Variants in ADAMTS14 observed in about 807,000 individuals in gnomAD.
The protein encoded by ADAMTS14 is A disintegrin and metalloproteinase with thrombospondin motifs 14.
In ADAMTS14, 100 loss-of-function variants were observed where a neutral mutation model predicts 128.6. That is an observed-to-expected ratio of 0.78 (90% confidence interval 0.66 to 0.92). ADAMTS14 has a LOEUF of 0.92. ADAMTS14 is among the 40% of genes least tolerant of loss of function. The pLI is 0.00. For missense variants in ADAMTS14, 1,562 were observed against 1,658.6 expected, an observed-to-expected ratio of 0.94 and a Z score of 1.01; for synonymous variants, 665 against 653.8, an observed-to-expected ratio of 1.02 and a Z score of -0.26.
At position 70,711,277 on chromosome 10, in the gene ADAMTS14, G is replaced by A. The variant is rs116674273; in HGVS notation, c.870+2499G>A. On this transcript the variant is annotated intron_variant, in intron 4 of 21. Coordinates refer to ENST00000373207, the MANE Select transcript of ADAMTS14 (RefSeq NM_080722.4). ...ACGCTGACTCCTATCCCCATCCATG[G>A]CTGGAGACAAAAGGAGTTTCCCCTC... is the stretch of plus-strand genomic sequence containing the variant. Among the ~76,000 whole-genome samples, 1,516 of 152,318 alleles carry A rather than the reference G, an allele frequency of 1.0e-2. 23 individuals are homozygous for A. Among genetic ancestry groups the A allele is most frequent in the African/African-American group, 0.035 (1,435 of 41,558 alleles).
Position 70,752,157 on chromosome 10 carries a change from C to G in ADAMTS14, c.2659C>G (p.Leu887Val). The change falls in exon 18 of 22, where the codon CTG becomes GTG. Residue 887 changes from leucine to valine, a missense_variant. Coordinates refer to ENST00000373207, the MANE Select transcript of ADAMTS14 (RefSeq NM_080722.4). ...RRDHHMVQRH[L>V]CDHKKRPKPI... ...AGACCACCACATGGTGCAGCGACAC[C>G]TGTGTGACCACAAGAAGAGGCCCAA... The G allele has an allele frequency of 3.1e-6, 5 of 1,613,578 alleles. No individual in the cohort carries two copies. Among genetic ancestry groups the G allele is most frequent in the Non-Finnish European group, 4.2e-6 (5 of 1,179,974 alleles).
chr10:70,733,117 G>A (rs2132679758), intron 7 of ADAMTS14, among the ~76,000 whole-genome samples: 1 of 152,266 alleles, frequency 6.6e-6, no homozygotes, highest in South Asian at 2.1e-4. Context: ...CCAGGCAGGT[G>A]GGACCTCCTC....
chr10:70,737,044 C>T (rs1396895026), intron 10 of ADAMTS14, among the ~76,000 whole-genome samples: 1 of 152,176 alleles, frequency 6.6e-6, no homozygotes, highest in African/African-American at 2.4e-5. Flanking sequence ...GTAGCATGAT[C>T]TCCTAGCCCA....
chr10:70,751,772 G>A (rs12784847), intron 17 of ADAMTS14, 126 bp downstream of exon 17: 338,326 of 1,304,004 alleles, frequency 0.26, 45,098 homozygotes, highest in Non-Finnish European at 0.27. Flanking sequence ...TCTCCTTGAA[G>A]ATCTCCAGTG....
intron 2 of ADAMTS14, among the ~76,000 whole-genome samples, chr10:70,683,382 T>A (rs558280769): frequency 1.5e-4 from 23 of 151,816 alleles, no homozygotes; most frequent in Admixed American, 1.5e-3. Flanking sequence ...AGAAAGGGAG[T>A]CTTTGGAAAG....
At chr10:70,759,666 T>G (rs2132763835) in intron 21 of ADAMTS14, among the ~76,000 whole-genome samples, 1 of 152,314 alleles carries the variant, frequency 6.6e-6, no homozygotes, top group South Asian at 2.1e-4. Context: ...ATCTGCTTGA[T>G]TCCAAATTAA....
chr10:70,738,105 C>T (rs1252208896), intron 10 of ADAMTS14, among the ~76,000 whole-genome samples: 1 of 151,872 alleles, frequency 6.6e-6, no homozygotes, highest in African/African-American at 2.4e-5. Context: ...CCAGGTGATT[C>T]CAAGGTTGAG....
chr10:70,704,503 G>A (rs946808848), intron 3 of ADAMTS14, among the ~76,000 whole-genome samples: 10 of 148,998 alleles, frequency 6.7e-5, no homozygotes, highest in Middle Eastern at 3.5e-3. Flanking sequence ...ACAAACACAC[G>A]CTCACAAACA....
chr10:70,745,432 A>G, intron 15 of ADAMTS14, 126 bp downstream of exon 15: 1 of 956,348 alleles, frequency 1.0e-6, no homozygotes, highest in Non-Finnish European at 1.6e-6. Context: ...AGTAATGGGC[A>G]GAGACCCCCT....
intron 4 of ADAMTS14, 89 bp downstream of exon 4, chr10:70,708,867 G>A: frequency 1.9e-6 from 2 of 1,042,814 alleles, no homozygotes; most frequent in Non-Finnish European, 1.3e-6. Flanking sequence ...GATCCAAGTG[G>A]AAGTTTCTGG....
At position 70,760,768 on chromosome 10, in the gene ADAMTS14, C is replaced by T. The variant is rs369235646; in HGVS notation, c.3587C>T (p.Thr1196Met). ...GLPWGWTQTPTPVPEDKGQPG... is the reference protein window; with the variant it reads ...GLPWGWTQTPMPVPEDKGQPG... ...CCTTGGGGCTGGACTCAGACACCTA[C>T]GCCAGTCCCTGAGGACAAAGGGCAA... The change falls in exon 22 of 22, where the codon ACG becomes ATG. Residue 1196 changes from threonine (T) to methionine (M), a missense_variant. Thr to Met is a moderately conservative substitution (Grantham distance 81, BLOSUM62 -1). Coordinates refer to ENST00000373207, the MANE Select transcript of ADAMTS14 (RefSeq NM_080722.4). 24 of 1,613,022 alleles carry T rather than the reference C, an allele frequency of 1.5e-5. No homozygotes were observed. The South Asian group carries it at 1.6e-4, about 11-fold the overall frequency.
intron 4 of ADAMTS14, among the ~76,000 whole-genome samples, chr10:70,713,270 C>T (rs1305901914): frequency 7.1e-6 from 1 of 139,992 alleles, no homozygotes; most frequent in Non-Finnish European, 1.5e-5. Flanking sequence ...GGCTAACATC[C>T]ATTCATTTGT....
intron 4 of ADAMTS14, among the ~76,000 whole-genome samples, chr10:70,714,173 A>G (rs568184376): frequency 1.3e-5 from 2 of 152,320 alleles, no homozygotes; most frequent in East Asian, 3.9e-4. Context: ...ACCCTGGCCA[A>G]CAGAATAAGA....
intron 20 of ADAMTS14, 36 bp from the exon 21 acceptor site, chr10:70,758,139 G>A: frequency 1.2e-6 from 2 of 1,613,104 alleles, no homozygotes; most frequent in Non-Finnish European, 1.7e-6. Context: ...TTGGGCCAAA[G>A]TCCCAAATAC....
intron 2 of ADAMTS14, among the ~76,000 whole-genome samples, chr10:70,697,792 G>C (rs1840376634): frequency 1.3e-5 from 2 of 152,022 alleles, no homozygotes; most frequent in South Asian, 2.1e-4. Flanking sequence ...CTTTCCCTGA[G>C]GGGAACCCAT....
At chr10:70,759,541 G>A (rs950188691) in intron 21 of ADAMTS14, among the ~76,000 whole-genome samples, 8 of 152,338 alleles carry the variant, frequency 5.3e-5, no homozygotes, top group African/African-American at 1.9e-4. Flanking sequence ...ATTATTCACT[G>A]GTAAGGGTCA....
intron 2 of ADAMTS14, among the ~76,000 whole-genome samples, chr10:70,693,548 A>G (rs1010169800): frequency 2.0e-5 from 3 of 152,178 alleles, no homozygotes; most frequent in Non-Finnish European, 4.4e-5. Context: ...CAGCCCTACA[A>G]GATGGTTGTG....
chr10:70,735,624 G>A (rs1156771150), intron 9 of ADAMTS14, among the ~76,000 whole-genome samples: 4 of 152,218 alleles, frequency 2.6e-5, no homozygotes, highest in African/African-American at 9.6e-5. Flanking sequence ...GCCTGGTGGA[G>A]CAGCAGGTCC....
intron 2 of ADAMTS14, among the ~76,000 whole-genome samples, chr10:70,685,067 T>A (rs1839917023): frequency 6.6e-6 from 1 of 152,246 alleles, no homozygotes; most frequent in Non-Finnish European, 1.5e-5. Context: ...TTATTTTTCT[T>A]CCTCTGTGTC....
Sources: gnomAD v4.1 joint callset for allele counts (sites outside exome capture counted in the v4.1 genomes callset) on GRCh38, gnomAD v4.1.1 for gene constraint, MANE v1.5 for transcripts, NCBI Gene and HGNC (gene_info 2026-07-23, HGNC 2026-07-21) for gene names.